WWC1: variants seen among roughly 807,000 people sequenced by gnomAD.
WWC1 encodes the protein protein KIBRA.
WWC1 carries 55 observed loss-of-function variants against 138.4 expected under a neutral mutation model. That is an observed-to-expected ratio of 0.40 (90% CI 0.32 to 0.50). The LOEUF (loss-of-function observed/expected upper bound fraction) is 0.50, where lower values mean the gene tolerates loss of function less well. Among genes scored for constraint, WWC1 ranks in the 20% least tolerant of loss-of-function variants. The pLI is 0.72. For missense variants in WWC1, 1,226 were observed against 1,420.4 expected (o/e 0.86, Z 2.20); for synonymous variants, 524 against 564.9 (o/e 0.93, Z 1.03).
At chr5:168,382,650 C>T (rs944677319) in intron 2 of WWC1, among the ~76,000 whole-genome samples, 1 of 152,184 alleles carries the variant, frequency 6.6e-6, no homozygotes, top group African/African-American at 2.4e-5. Flanking sequence ...GAACCCACAG[C>T]AGCTGTTCTG....
Position 168,326,216 on chromosome 5 carries a change from C to CTTTTTTTTTTTTTTTTTTTTTT in WWC1, c.119+33963_119+33964insTTTTTTTTTTTTTTTTTTTTTT, listed in dbSNP as rs796347858. Among the ~76,000 whole-genome samples the CTTTTTTTTTTTTTTTTTTTTTT allele has an allele frequency of 5.2e-4, 59 of 113,282 alleles. 4 individuals carry two copies. The highest frequency in any genetic ancestry group is 1.9e-3 in the African/African-American group (56 of 29,158). The allele number at this position is 113,282 out of a possible 152,430, so 74.3% of individuals were successfully genotyped here. A position where few individuals can be genotyped will look rare whatever the true frequency, so the allele number is the denominator to read the frequency against. On this transcript the variant is annotated intron_variant, in intron 1 of 22. Coordinates refer to ENST00000265293, the MANE Select transcript of WWC1 (RefSeq NM_015238.3). ...TGGCTCAGGACACCGACCTGATAGT[C>CTTTTTTTTTTTTTTTTTTTTTT]TTTTTTTTTTTTTTTTTTGGGACGG...
intron 1 of WWC1, among the ~76,000 whole-genome samples, chr5:168,350,757 T>G (rs1774880957): frequency 6.6e-6 from 1 of 152,222 alleles, no homozygotes; most frequent in African/African-American, 2.4e-5. Flanking sequence ...TCTAAGACAT[T>G]GCAAACAATG....
intron 6 of WWC1, among the ~76,000 whole-genome samples, chr5:168,407,987 C>T (rs1779930211): frequency 6.6e-6 from 1 of 150,960 alleles, no homozygotes; most frequent in South Asian, 2.1e-4. Flanking sequence ...CTCAGCCTCC[C>T]AAGTAGTTGG....
chr5:168,294,482 C>T (rs1769349182), intron 1 of WWC1, among the ~76,000 whole-genome samples: 1 of 152,164 alleles, frequency 6.6e-6, no homozygotes, highest in African/African-American at 2.4e-5. Context: ...CCTAAGGCCA[C>T]AGCACCTCAC....
At chr5:168,390,926 A>G (rs1778434714) in intron 3 of WWC1, among the ~76,000 whole-genome samples, 1 of 152,242 alleles carries the variant, frequency 6.6e-6, no homozygotes, top group East Asian at 1.9e-4. Flanking sequence ...GTCCTCTAAG[A>G]CAGTGTTGTT....
chr5:168,355,151 T>C (rs1050423898), intron 1 of WWC1, among the ~76,000 whole-genome samples: 1 of 151,870 alleles, frequency 6.6e-6, no homozygotes, highest in African/African-American at 2.4e-5. Context: ...CAGAAAGTAA[T>C]TGGGGGAGGG....
At chr5:168,447,793 T>C (rs62384137) in intron 17 of WWC1, among the ~76,000 whole-genome samples, 1 of 151,274 alleles carries the variant, frequency 6.6e-6, no homozygotes, top group Non-Finnish European at 1.5e-5. Context: ...CTCTCTTTCT[T>C]TCTCTCTCTC....
At chr5:168,441,635 G>T (rs1459300528) in intron 15 of WWC1, 47 bp from the exon 16 acceptor site, 2 of 1,591,538 alleles carry the variant, frequency 1.3e-6, no homozygotes, top group African/African-American at 2.7e-5. Flanking sequence ...GACACCTGGT[G>T]TCCCCCCCAC....
intron 1 of WWC1, among the ~76,000 whole-genome samples, chr5:168,356,831 A>G (rs1775460170): frequency 6.6e-6 from 1 of 152,142 alleles, no homozygotes; most frequent in South Asian, 2.1e-4. Flanking sequence ...AGCTGGGAAT[A>G]AGGGAAGCCC....
chr5:168,326,634 G>A (rs909631796), intron 1 of WWC1, among the ~76,000 whole-genome samples: 5 of 151,910 alleles, frequency 3.3e-5, no homozygotes, highest in Admixed American at 6.6e-5. Flanking sequence ...CGCCTCCTGT[G>A]TCCTGGTTCA....
chr5:168,444,296 T>C (rs766916731), intron 16 of WWC1, among the ~76,000 whole-genome samples, 198 bp from the exon 17 acceptor site: 1 of 152,260 alleles, frequency 6.6e-6, no homozygotes, highest in South Asian at 2.1e-4. Flanking sequence ...AGCTATTCTC[T>C]GGAGAACTGC....
At chr5:168,420,969 C>T (rs1422418) in intron 9 of WWC1, among the ~76,000 whole-genome samples, 16,111 of 152,252 alleles carry the variant, frequency 0.11, 934 homozygotes, top group African/African-American at 0.13. Context: ...TAGCCAACTG[C>T]TGTCCATTAT....
intron 1 of WWC1, among the ~76,000 whole-genome samples, chr5:168,329,688 G>A (rs113716632): frequency 0.01 from 1,586 of 152,328 alleles, 25 homozygotes; most frequent in African/African-American, 0.036. Context: ...AGTTAGGAAA[G>A]CCTGCTTTGC....
chr5:168,366,395 A>G (rs146885572), intron 1 of WWC1, among the ~76,000 whole-genome samples: 2 of 152,326 alleles, frequency 1.3e-5, no homozygotes, highest in Non-Finnish European at 2.9e-5. Context: ...GGGAGTCAGG[A>G]TATCAGTCAG....
At chr5:168,386,397 C>CT (rs1005323062) in intron 3 of WWC1, among the ~76,000 whole-genome samples, 2 of 137,598 alleles carry the variant, frequency 1.5e-5, no homozygotes, top group South Asian at 2.3e-4. Flanking sequence ...TTTTCTTTTT[C>CT]TTTTTTTTCT....
chr5:168,389,876 C>T (rs959824556), intron 3 of WWC1, among the ~76,000 whole-genome samples: 2 of 152,158 alleles, frequency 1.3e-5, no homozygotes, highest in Admixed American at 1.3e-4. Context: ...ATCACCCCCA[C>T]CCAAGTTGTG....
At chr5:168,326,987 A>G (rs1469467932) in intron 1 of WWC1, among the ~76,000 whole-genome samples, 2 of 152,206 alleles carry the variant, frequency 1.3e-5, no homozygotes, top group Admixed American at 6.5e-5. Flanking sequence ...CCACCCTTCT[A>G]TGCACTGGCC....
chr5:168,361,720 A>G (rs533461574), intron 1 of WWC1, among the ~76,000 whole-genome samples: 90 of 152,084 alleles, frequency 5.9e-4, no homozygotes, highest in Non-Finnish European at 9.4e-4. Flanking sequence ...AAAGAAAGGG[A>G]GTTGTTTTGT....
chr5:168,397,222 A>G (rs1582151164), intron 3 of WWC1, among the ~76,000 whole-genome samples: 1 of 151,436 alleles, frequency 6.6e-6, no homozygotes, highest in Admixed American at 6.6e-5. Context: ...GGCTCACTGC[A>G]ACCTCTGCCT....
Sources: allele counts gnomAD v4.1 joint callset (sites outside exome capture counted in the v4.1 genomes callset), GRCh38; gene constraint gnomAD v4.1.1; transcripts MANE v1.5; gene names NCBI Gene and HGNC (gene_info 2026-07-23, HGNC 2026-07-21).